Variants in BRAF observed in about 807,000 individuals in gnomAD.
BRAF encodes the protein serine/threonine-protein kinase B-raf.
In BRAF, 16 loss-of-function variants were observed where a neutral mutation model predicts 104.6. The ratio of observed to expected loss-of-function variants is 0.15; its 90% CI spans 0.10 to 0.23. The LOEUF (loss-of-function observed/expected upper bound fraction) is 0.23. Among genes scored for constraint, BRAF ranks in the 10% least tolerant of loss-of-function variants. The pLI is 1.00. For synonymous variants in BRAF, 310 were observed against 341.6 expected (o/e 0.91, Z 1.02); for missense variants, 541 against 937.3 (o/e 0.58, Z 5.52).
At position 140,924,544 on chromosome 7, in the gene BRAF, G is replaced by T. The variant is rs964078664; in HGVS notation, c.138+22C>A. 9.8e-6 allele frequency: 15 copies of T among 1,533,200 alleles called. No individual in the cohort carries two copies. The highest frequency in any genetic ancestry group is 1.4e-5 in the African/African-American group (1 of 72,882). The allele number at this position is 1,533,200 out of a possible 1,614,324, so 95.0% of individuals were successfully genotyped here. A position where few individuals can be genotyped will look rare whatever the true frequency, so the allele number is the denominator to read the frequency against. On this transcript the variant is annotated intron_variant, in intron 1 of 19. Transcript: ENST00000644969. This position sits in a 1 kb window ranked among gnomAD's most constrained non-coding sequence, Gnocchi z 4.2. Reference sequence around the variant, plus strand: ...CGCCGAGCCCGGAGTCGGGAGGGCGGCAGGGTGGCGCCAGCACTCACCTCC... The same window carrying T: ...CGCCGAGCCCGGAGTCGGGAGGGCGTCAGGGTGGCGCCAGCACTCACCTCC...
At chr7:140,734,527 A>G in intron 19 of BRAF, 2 of 1,611,400 alleles carry the variant, frequency 1.2e-6, no homozygotes, top group Non-Finnish European at 1.7e-6. Context: ...TCAATTTAAC[A>G]TATAAGCAAA....
intron 2 of BRAF, among the ~76,000 whole-genome samples, chr7:140,836,958 T>C (rs1586348249): frequency 2.0e-5 from 3 of 152,332 alleles, no homozygotes; most frequent in East Asian, 1.9e-4. Context: ...TTTCCAAACA[T>C]ATTTCCTTAC....
chr7:140,923,953 G>A (rs1329139096), intron 1 of BRAF, among the ~76,000 whole-genome samples: 2 of 152,152 alleles, frequency 1.3e-5, no homozygotes, highest in Non-Finnish European at 2.9e-5. Flanking sequence ...ACCAGAAAAG[G>A]CATCGGAAAC....
At chr7:140,767,026 CAG>C (rs1413959153) in intron 14 of BRAF, among the ~76,000 whole-genome samples, 2 of 152,022 alleles carry the variant, frequency 1.3e-5, no homozygotes, top group Non-Finnish European at 2.9e-5. Flanking sequence ...ATTTTTGAGA[CAG>C]AGTCTTGCTC....
At chr7:140,869,532 C>T (rs1811332383) in intron 1 of BRAF, among the ~76,000 whole-genome samples, 1 of 151,836 alleles carries the variant, frequency 6.6e-6, no homozygotes, top group Non-Finnish European at 1.5e-5. Flanking sequence ...ACTCAGGAGG[C>T]TGAGGCATGA....
Position 140,859,422 on chromosome 7 carries a change from T to A in BRAF, c.139-9210A>T, listed in dbSNP as rs142182774. Among the ~76,000 whole-genome samples, 492 of 152,304 alleles carry A rather than the reference T, an allele frequency of 3.2e-3. 3 individuals are homozygous for A. Among genetic ancestry groups the A allele is most frequent in the African/African-American group, 0.011 (469 of 41,570 alleles). ...GCCAGTGCACACATCTATATGGGGA[T>A]AACAGACCTTAGGGAATTGTGTGTG... On this transcript the variant is annotated intron_variant, in intron 1 of 19. Coordinates refer to ENST00000644969, the MANE Select transcript of BRAF (RefSeq NM_001374258.1).
intron 1 of BRAF, among the ~76,000 whole-genome samples, chr7:140,912,043 C>T (rs2129140367): frequency 6.6e-6 from 1 of 152,298 alleles, no homozygotes; most frequent in Non-Finnish European, 1.5e-5. Context: ...GTCCTGGCTA[C>T]TCGGGAAGCT....
intron 3 of BRAF, among the ~76,000 whole-genome samples, chr7:140,832,093 C>G (rs540884939): frequency 1.3e-5 from 2 of 152,302 alleles, no homozygotes; most frequent in South Asian, 4.1e-4. Context: ...AGAATCCTAT[C>G]CTGTTTTATT....
intron 1 of BRAF, among the ~76,000 whole-genome samples, chr7:140,912,890 A>G (rs529220045): frequency 3.3e-5 from 5 of 152,266 alleles, no homozygotes; most frequent in Non-Finnish European, 5.9e-5. Context: ...ACTTCTCAGT[A>G]TTTCTGCTAT....
intron 5 of BRAF, among the ~76,000 whole-genome samples, chr7:140,803,933 G>A (rs1199261177): frequency 6.6e-6 from 1 of 152,128 alleles, no homozygotes; most frequent in Non-Finnish European, 1.5e-5. Context: ...CGCCCAGGTT[G>A]GAGTACAGTG....
intron 3 of BRAF, among the ~76,000 whole-genome samples, chr7:140,819,925 C>A (rs1196058063): frequency 1.3e-5 from 2 of 152,038 alleles, no homozygotes; most frequent in African/African-American, 4.8e-5. Flanking sequence ...TGTGAATATA[C>A]AAAAATCATT....
intron 10 of BRAF, chr7:140,785,667 C>A (rs13243133): frequency 2.5e-5 from 10 of 398,804 alleles, no homozygotes; most frequent in Middle Eastern, 6.2e-4. Context: ...TGGGTGAAAA[C>A]AAGAAAGAAG....
chr7:140,740,349 A>G (rs2130904353), intron 17 of BRAF: 1 of 159,214 alleles, frequency 6.3e-6, no homozygotes, highest in Non-Finnish European at 1.4e-5. Context: ...TGTAGGGAAA[A>G]CCAAAAAGGT....
intron 3 of BRAF, among the ~76,000 whole-genome samples, chr7:140,814,592 G>T (rs1368015686): frequency 6.6e-6 from 1 of 151,588 alleles, no homozygotes; most frequent in African/African-American, 2.4e-5. Flanking sequence ...TTGAACTTAG[G>T]AGGCGGAGGT....
intron 16 of BRAF, among the ~76,000 whole-genome samples, chr7:140,752,995 G>A (rs1181542709): frequency 6.7e-6 from 1 of 149,496 alleles, no homozygotes; most frequent in Non-Finnish European, 1.5e-5. Context: ...CAAAATATTC[G>A]TTTTAAGGGT....
At chr7:140,713,937 G>A in the BRAF span, among the ~76,000 whole-genome samples, 2 of 152,122 alleles carry the variant, frequency 1.3e-5, no homozygotes, top group Admixed American at 6.6e-5. Context: ...TTGGTGAACC[G>A]CAAATGCTGC....
intron 1 of BRAF, among the ~76,000 whole-genome samples, chr7:140,886,784 T>C (rs1045683144): frequency 8.5e-5 from 13 of 152,346 alleles, no homozygotes; most frequent in African/African-American, 3.1e-4. Context: ...GTATGTATTT[T>C]TTAAATAATT....
chr7:140,890,492 T>A (rs1198167219), intron 1 of BRAF, among the ~76,000 whole-genome samples: 3 of 150,922 alleles, frequency 2.0e-5, no homozygotes, highest in Non-Finnish European at 4.4e-5. Context: ...TCCATCTAGA[T>A]TTTTTTTTTC....
At chr7:140,859,200 A>T (rs772446218) in intron 1 of BRAF, among the ~76,000 whole-genome samples, 1 of 152,120 alleles carries the variant, frequency 6.6e-6, no homozygotes, top group Non-Finnish European at 1.5e-5. Flanking sequence ...GAGTCAGATG[A>T]CTCTAGAGGT....
Sources: allele counts gnomAD v4.1 joint callset (sites outside exome capture counted in the v4.1 genomes callset), GRCh38; gene constraint gnomAD v4.1.1; non-coding constraint Gnocchi (gnomAD v3.1); transcripts MANE v1.5; gene names NCBI Gene and HGNC (gene_info 2026-07-23, HGNC 2026-07-21).